COL13A1: variants seen among roughly 807,000 people sequenced by gnomAD.
The protein encoded by COL13A1 is collagen alpha-1(XIII) chain.
COL13A1 carries 89 observed loss-of-function variants against 130.9 expected under a neutral mutation model. The observed-to-expected ratio is 0.68, with a 90% CI of 0.57 to 0.81. The LOEUF (loss-of-function observed/expected upper bound fraction) is 0.81, where lower values mean the gene tolerates loss of function less well. Ranked by LOEUF, COL13A1 falls within the 30% of genes least tolerant of loss-of-function variation. COL13A1 has a pLI of 0.00. For missense variants in COL13A1, 879 were observed against 934.6 expected, an observed-to-expected ratio of 0.94 and a Z score of 0.78; for synonymous variants, 402 against 341.6, an observed-to-expected ratio of 1.18 and a Z score of -1.95.
At chr10:69,904,867 G>A in intron 15 of COL13A1, 66 bp from the exon 16 acceptor site, 1 of 1,520,204 alleles carries the variant, frequency 6.6e-7, no homozygotes, top group Non-Finnish European at 8.8e-7. Flanking sequence ...CTGTAAGTAT[G>A]GCTAGCCCCA....
At chr10:69,897,556 G>T (rs555440010) in intron 13 of COL13A1, 1 of 1,612,876 alleles carries the variant, frequency 6.2e-7, no homozygotes, top group Non-Finnish European at 8.5e-7. Flanking sequence ...GAAGGTCTCC[G>T]GGCCCCTCTC....
In COL13A1 at chr10:69,809,927, T is replaced by C. The variant is rs527870695; in HGVS notation, c.294+7210T>C. Among the ~76,000 whole-genome samples the C allele has an allele frequency of 3.9e-5, 6 of 152,300 alleles. No homozygotes were observed. In the South Asian group the frequency reaches 1.2e-3, roughly 32 times the overall value. On this transcript the variant is annotated intron_variant, in intron 1 of 40. Transcript: ENST00000645393. Reference sequence around the variant, plus strand: ...ACTCTGAACTGGCCACTAGGAAGCATAGCAGCAAATCTAGGGTTCAGCCAG... The same window carrying C: ...ACTCTGAACTGGCCACTAGGAAGCACAGCAGCAAATCTAGGGTTCAGCCAG...
At chr10:69,844,155 A>C (rs1015334833) in intron 2 of COL13A1, among the ~76,000 whole-genome samples, 1 of 152,200 alleles carries the variant, frequency 6.6e-6, no homozygotes. Context: ...CGGAGAGGGC[A>C]GGAGGACATT....
At chr10:69,859,376 C>A (rs1857332782) in intron 2 of COL13A1, among the ~76,000 whole-genome samples, 2 of 152,254 alleles carry the variant, frequency 1.3e-5, no homozygotes, top group South Asian at 4.1e-4. Context: ...ATGAAGCCTG[C>A]AGCCCCTCCC....
rs564284178 is a variant in COL13A1 at position 69,913,203 on chromosome 10, T to C, written c.922-4086T>C. 3.9e-5 allele frequency among the ~76,000 whole-genome samples: 6 copies of C among 152,004 alleles called. No individual in the cohort carries two copies. The East Asian group carries it at 1.2e-3, about 29-fold the overall frequency. On this transcript the variant is annotated intron_variant, in intron 17 of 40. Transcript: ENST00000645393. Reference sequence around the variant, plus strand: ...GGGTGGCTGGATGTTGGCCCAGGAGTCACAGCTTCTGCCATCACACCATGC... The same window carrying C: ...GGGTGGCTGGATGTTGGCCCAGGAGCCACAGCTTCTGCCATCACACCATGC...
At chr10:69,851,954 C>T (rs1428815084) in intron 2 of COL13A1, among the ~76,000 whole-genome samples, 1 of 152,136 alleles carries the variant, frequency 6.6e-6, no homozygotes, top group African/African-American at 2.4e-5. Flanking sequence ...CGCTCCTGGC[C>T]TATTTCAATT....
rs4746015 is a variant in COL13A1 at position 69,953,140 on chromosome 10, G to A, written c.2145+172G>A. ...TTCTGCCCGCTGTTGGATTTGCTTT[G>A]TAACCACAGCTGCAAGTAATTCTGG... On this transcript the variant is annotated intron_variant, in intron 39 of 40. Coordinates refer to ENST00000645393, the MANE Select transcript of COL13A1 (RefSeq NM_001368882.1). Among the ~76,000 whole-genome samples the A allele has an allele frequency of 0.4, 60,618 of 152,116 alleles. 12,196 individuals carry two copies. Among genetic ancestry groups the A allele is most frequent in the South Asian group, 0.47 (2,254 of 4,820 alleles).
intron 15 of COL13A1, among the ~76,000 whole-genome samples, chr10:69,903,936 G>C (rs1366369261): frequency 6.6e-6 from 1 of 152,142 alleles, no homozygotes; most frequent in East Asian, 1.9e-4. Context: ...CTTGTTATAG[G>C]GTCTTCCTGG....
intron 37 of COL13A1, among the ~76,000 whole-genome samples, chr10:69,946,802 G>T (rs12358790): frequency 0.31 from 46,705 of 151,434 alleles, 7,848 homozygotes; most frequent in South Asian, 0.45. Context: ...TTTGTTTTTT[G>T]TTTTGAGACG....
chr10:69,826,253 G>A (rs544490317), intron 2 of COL13A1, among the ~76,000 whole-genome samples: 3 of 152,302 alleles, frequency 2.0e-5, no homozygotes, highest in East Asian at 3.9e-4. Context: ...TCCAGGGTGG[G>A]GCAGGCAGTG....
chr10:69,802,847 G>T, intron 1 of COL13A1, 130 bp downstream of exon 1: 1 of 1,213,918 alleles, frequency 8.2e-7, no homozygotes, highest in Non-Finnish European at 1.2e-6. Context: ...TTGCCTGCGG[G>T]AGGGGTCGGG....
chr10:69,839,560 G>A (rs541287175), intron 2 of COL13A1, among the ~76,000 whole-genome samples: 1 of 152,336 alleles, frequency 6.6e-6, no homozygotes, highest in Non-Finnish European at 1.5e-5. Flanking sequence ...ACCACGCAGA[G>A]CTAACAGATG....
chr10:69,825,222 T>A (rs911231728), intron 2 of COL13A1, among the ~76,000 whole-genome samples: 1 of 152,248 alleles, frequency 6.6e-6, no homozygotes, highest in Non-Finnish European at 1.5e-5. Context: ...CACTCTGGAA[T>A]GTCTGAACAT....
intron 15 of COL13A1, among the ~76,000 whole-genome samples, chr10:69,903,317 G>A (rs2062392744): frequency 6.6e-6 from 1 of 152,270 alleles, no homozygotes; most frequent in Non-Finnish European, 1.5e-5. Context: ...CAGCTGAGCT[G>A]AAGGTCCAGT....
chr10:69,928,243 A>G (rs2065639824), intron 27 of COL13A1, among the ~76,000 whole-genome samples: 1 of 152,188 alleles, frequency 6.6e-6, no homozygotes, highest in Non-Finnish European at 1.5e-5. Flanking sequence ...TAACTTACAC[A>G]TAAGAAAAGG....
chr10:69,922,772 T>G lies in COL13A1; in HGVS notation c.1208T>G (p.Leu403Arg). 2 of 1,598,012 alleles carry G rather than the reference T, an allele frequency of 1.3e-6. No homozygotes were observed. The highest frequency in any genetic ancestry group is 1.7e-6 in the Non-Finnish European group (2 of 1,172,666). Residue 403 changes from leucine to arginine, a missense_variant, in exon 23 of 41, where the codon CTC (leucine) becomes CGC (arginine). Transcript: ENST00000645393. ...GGRGEPGPPG[L>R]PGPPGPKGEA... ...AGAGGGGAACCTGGCCCTCCAGGGC[T>G]CCCTGGGCCCCCAGGGCCAAAGGTG...
Position 69,902,730 on chromosome 10 carries a change from C to T in COL13A1, c.751-18C>T, listed in dbSNP as rs1244427894. On this transcript the variant is annotated intron_variant, in intron 14 of 40. Coordinates refer to ENST00000645393, the MANE Select transcript of COL13A1 (RefSeq NM_001368882.1). ...CTCTGGGGGCCTTCCCTCTAACATT[C>T]GTTTCCATGAACCTCAGGGCGAACA... The T allele has an allele frequency of 1.3e-5, 20 of 1,541,546 alleles. No individual in the cohort carries two copies. Among genetic ancestry groups the T allele is most frequent in the Middle Eastern group, 1.7e-4 (1 of 5,968 alleles).
intron 2 of COL13A1, among the ~76,000 whole-genome samples, chr10:69,830,039 T>A (rs192010945): frequency 6.6e-6 from 1 of 152,288 alleles, no homozygotes; most frequent in East Asian, 1.9e-4. Context: ...AATGGAGGGT[T>A]CCGGAAAGGC....
intron 3 of COL13A1, among the ~76,000 whole-genome samples, chr10:69,870,763 G>A (rs533101803): frequency 8.2e-4 from 125 of 152,064 alleles, no homozygotes; most frequent in African/African-American, 2.9e-3. Flanking sequence ...GAAAGCAAAG[G>A]GAATCCGGAG....
Sources: allele counts gnomAD v4.1 joint callset (sites outside exome capture counted in the v4.1 genomes callset), GRCh38; gene constraint gnomAD v4.1.1; transcripts MANE v1.5; gene names NCBI Gene and HGNC (gene_info 2026-07-23, HGNC 2026-07-21).